OLA1: variants seen among roughly 807,000 people sequenced by gnomAD.
The protein encoded by OLA1 is obg-like ATPase 1.
In OLA1, 14 loss-of-function variants were observed where a neutral mutation model predicts 48.4. The observed-to-expected ratio is 0.29, with a 90% CI of 0.19 to 0.45. OLA1 has a LOEUF of 0.45. OLA1 is among the 20% of genes least tolerant of loss of function. OLA1 has a pLI of 1.00. For synonymous variants in OLA1, 127 were observed against 150.4 expected, an observed-to-expected ratio of 0.84 and a Z score of 1.14; for missense variants, 325 against 467.1, an observed-to-expected ratio of 0.70 and a Z score of 2.80.
At chr2:174,132,831 C>G (rs1224977522) in intron 5 of OLA1, among the ~76,000 whole-genome samples, 1 of 152,106 alleles carries the variant, frequency 6.6e-6, no homozygotes, top group African/African-American at 2.4e-5. Context: ...GTGTGGTATC[C>G]TATATATGTC....
chr2:174,246,839 G>A (rs1689136457), intron 1 of OLA1, 24 bp from the exon 2 acceptor site: 2 of 1,478,474 alleles, frequency 1.4e-6, no homozygotes, highest in Non-Finnish European at 1.9e-6. Flanking sequence ...GCAAACATAT[G>A]AACAAAACTT....
At chr2:174,112,005 A>T (rs970887080) in intron 7 of OLA1, among the ~76,000 whole-genome samples, 3 of 152,240 alleles carry the variant, frequency 2.0e-5, no homozygotes, top group East Asian at 1.9e-4. Context: ...ACAATTTTTT[A>T]AAAAATACCA....
chr2:174,143,034 C>T (rs1381365278), intron 4 of OLA1, among the ~76,000 whole-genome samples: 1 of 152,008 alleles, frequency 6.6e-6, no homozygotes, highest in Non-Finnish European at 1.5e-5. Flanking sequence ...AAACAGTGAA[C>T]ACAGCTCATT....
At position 174,141,795 on chromosome 2, in the gene OLA1, T is replaced by G. The variant is rs781241056; in HGVS notation, c.549+30A>C. 30 of 1,504,828 alleles carry G rather than the reference T, an allele frequency of 2.0e-5. No individual in the cohort carries two copies. The South Asian group carries it at 3.7e-4, about 19-fold the overall frequency. The allele number at this position is 1,504,828 out of a possible 1,614,324, so 93.2% of individuals were successfully genotyped here. A position where few individuals can be genotyped will look rare whatever the true frequency, so the allele number is the denominator to read the frequency against. Reference sequence around the variant, plus strand: ...TAATCAAGAAAAATAAACTCTTGAGTATCTAAAGAAGCTGTAAATTTTTAC... The same window carrying G: ...TAATCAAGAAAAATAAACTCTTGAGGATCTAAAGAAGCTGTAAATTTTTAC... On this transcript the variant is annotated intron_variant, in intron 5 of 10. Coordinates refer to ENST00000284719, the MANE Select transcript of OLA1 (RefSeq NM_013341.5).
chr2:174,115,332 A>G (rs113702167), intron 7 of OLA1, among the ~76,000 whole-genome samples: 4 of 152,360 alleles, frequency 2.6e-5, no homozygotes, highest in African/African-American at 7.2e-5. Flanking sequence ...TGAATCAACA[A>G]GTCACTAGAC....
intron 7 of OLA1, among the ~76,000 whole-genome samples, chr2:174,109,386 A>G (rs755369490): frequency 1.1e-4 from 17 of 152,098 alleles, no homozygotes; most frequent in Non-Finnish European, 2.1e-4. Flanking sequence ...TTTACTTAAT[A>G]ATAGATTTTA....
chr2:174,188,295 G>A (rs1056773973), intron 4 of OLA1, among the ~76,000 whole-genome samples: 1 of 151,948 alleles, frequency 6.6e-6, no homozygotes, highest in Non-Finnish European at 1.5e-5. Flanking sequence ...AAAAGCCATC[G>A]AGCAGAATGT....
chr2:174,233,905 G>A (rs1688789883), intron 2 of OLA1, among the ~76,000 whole-genome samples: 1 of 152,180 alleles, frequency 6.6e-6, no homozygotes, highest in South Asian at 2.1e-4. Context: ...GAAAACTGGT[G>A]AAATCCAAAT....
chr2:174,140,388 G>C (rs1686417115), intron 5 of OLA1, among the ~76,000 whole-genome samples: 1 of 147,964 alleles, frequency 6.8e-6, no homozygotes. Flanking sequence ...TTTTAATTGA[G>C]ACCGAGTCTC....
chr2:174,211,047 C>A (rs1015218547), intron 4 of OLA1, among the ~76,000 whole-genome samples: 1 of 152,028 alleles, frequency 6.6e-6, no homozygotes, highest in Non-Finnish European at 1.5e-5. Flanking sequence ...AAGGAGGAAG[C>A]TAGATAATAT....
intron 4 of OLA1, among the ~76,000 whole-genome samples, chr2:174,169,939 A>T (rs545589568): frequency 6.6e-6 from 1 of 152,358 alleles, no homozygotes; most frequent in South Asian, 2.1e-4. Flanking sequence ...AAATGTGTAG[A>T]GTATTACATA....
intron 10 of OLA1, among the ~76,000 whole-genome samples, chr2:174,078,531 A>T (rs1203644698): frequency 2.0e-5 from 3 of 151,944 alleles, no homozygotes; most frequent in Admixed American, 2.0e-4. Flanking sequence ...TTTAAACAAC[A>T]AACAAGTAAA....
chr2:174,136,217 C>T (rs1021157596), intron 5 of OLA1, among the ~76,000 whole-genome samples: 4 of 152,076 alleles, frequency 2.6e-5, no homozygotes, highest in African/African-American at 9.7e-5. Flanking sequence ...ATCAACTCTT[C>T]CTTTCACAAA....
chr2:174,174,408 G>A lies in OLA1; in HGVS notation c.374-32408C>T, dbSNP rs557926602. Among the ~76,000 whole-genome samples the A allele has an allele frequency of 6.6e-5, 10 of 151,778 alleles. No individual in the cohort carries two copies. In the South Asian group the frequency reaches 2.1e-3, roughly 32 times the overall value. On this transcript the variant is annotated intron_variant, in intron 4 of 10. Transcript: ENST00000284719. ...GTCTATGTAATTTACCATATTAATAGAATAAAAAAGAAAAACCAGATCATT... is the reference window on the plus strand; with the variant it reads ...GTCTATGTAATTTACCATATTAATAAAATAAAAAAGAAAAACCAGATCATT...
chr2:174,149,866 A>G (rs549520396), intron 4 of OLA1, among the ~76,000 whole-genome samples: 1 of 152,330 alleles, frequency 6.6e-6, no homozygotes, highest in East Asian at 1.9e-4. Flanking sequence ...ATCTAACCTG[A>G]AGGACTTCAG....
intron 3 of OLA1, 113 bp from the exon 4 acceptor site, chr2:174,223,273 A>T: frequency 1.9e-6 from 2 of 1,036,658 alleles, no homozygotes; most frequent in Non-Finnish European, 2.8e-6. Flanking sequence ...ACAATGGAAC[A>T]ATAATGATTT....
intron 4 of OLA1, among the ~76,000 whole-genome samples, chr2:174,201,821 G>A (rs972108820): frequency 1.3e-5 from 2 of 152,070 alleles, no homozygotes; most frequent in Non-Finnish European, 1.5e-5. Flanking sequence ...ATGGGAAAAC[G>A]CTGGGTAAAA....
intron 4 of OLA1, among the ~76,000 whole-genome samples, chr2:174,190,894 G>C (rs1324713202): frequency 7.7e-6 from 1 of 130,552 alleles, no homozygotes; most frequent in Non-Finnish European, 1.5e-5. Context: ...GCAGTGAGCC[G>C]AGATTGCGCC....
intron 1 of OLA1, 85 bp from the exon 2 acceptor site, chr2:174,246,900 T>C (rs1463447222): frequency 1.1e-5 from 8 of 745,546 alleles, no homozygotes; most frequent in African/African-American, 1.8e-5. Context: ...CAATATATTA[T>C]TGAATTAAGA....
Sources: allele counts gnomAD v4.1 joint callset (sites outside exome capture counted in the v4.1 genomes callset), GRCh38; gene constraint gnomAD v4.1.1; transcripts MANE v1.5; gene names NCBI Gene and HGNC (gene_info 2026-07-23, HGNC 2026-07-21).